Variants in KAZN observed in about 807,000 individuals in gnomAD.
The protein encoded by KAZN is kazrin, periplakin interacting protein.
A neutral mutation model predicts 87.4 loss-of-function variants in KAZN; 40 were observed. The observed-to-expected ratio is 0.46, with a 90% confidence interval of 0.36 to 0.60. The LOEUF (loss-of-function observed/expected upper bound fraction) is 0.60. Among genes scored for constraint, KAZN ranks in the 20% least tolerant of loss-of-function variants. KAZN has a pLI of 0.00. For synonymous variants in KAZN, 466 were observed against 458.3 expected (o/e 1.02, Z -0.22); for missense variants, 898 against 1,073.9 (o/e 0.84, Z 2.29).
chr1:14,188,396 A>C (rs1646356235), intron 2 of KAZN, among the ~76,000 whole-genome samples: 1 of 152,208 alleles, frequency 6.6e-6, no homozygotes. Flanking sequence ...TTTAGGGAAT[A>C]TAACAATTCC....
At chr1:14,469,743 G>C (rs867360213) in intron 2 of KAZN, among the ~76,000 whole-genome samples, 1 of 152,164 alleles carries the variant, frequency 6.6e-6, no homozygotes, top group East Asian at 1.9e-4. Context: ...AAGAGGCCAC[G>C]ATGTCAGATT....
chr1:14,018,596 G>A (rs557844232), intron 1 of KAZN, among the ~76,000 whole-genome samples: 2 of 152,298 alleles, frequency 1.3e-5, no homozygotes, highest in South Asian at 4.1e-4. Flanking sequence ...AGATTGGCAT[G>A]TGAGTTGGTG....
chr1:14,755,283 A>G (rs1429484147), intron 1 of KAZN, among the ~76,000 whole-genome samples: 4 of 151,970 alleles, frequency 2.6e-5, no homozygotes, highest in Non-Finnish European at 5.9e-5. Flanking sequence ...CAGGCCTTGC[A>G]AGGTACTATT....
chr1:15,020,822 C>T (rs768702958), intron 2 of KAZN, among the ~76,000 whole-genome samples: 8 of 152,274 alleles, frequency 5.3e-5, no homozygotes, highest in South Asian at 4.2e-4. Flanking sequence ...ATGGCAAAAA[C>T]GCTGGCATGA....
chr1:14,478,146 C>T (rs763926859), intron 2 of KAZN, among the ~76,000 whole-genome samples: 3 of 151,700 alleles, frequency 2.0e-5, no homozygotes, highest in Non-Finnish European at 4.4e-5. Flanking sequence ...CTAGAGAATT[C>T]AGGACAAGAA....
intron 1 of KAZN, among the ~76,000 whole-genome samples, chr1:14,107,295 TAGG>T (rs1644398728): frequency 2.0e-5 from 3 of 151,736 alleles, no homozygotes; most frequent in Non-Finnish European, 4.4e-5. Flanking sequence ...TGAGAGCAGT[TAGG>T]AGACAGCTCA....
chr1:15,090,140 A>G (rs1356757733), intron 8 of KAZN, among the ~76,000 whole-genome samples: 1 of 152,222 alleles, frequency 6.6e-6, no homozygotes, highest in East Asian at 1.9e-4. Context: ...CATTTTATAT[A>G]TGGAGAAACG....
At chr1:14,274,195 G>C (rs551187022) in intron 2 of KAZN, among the ~76,000 whole-genome samples, 1 of 152,326 alleles carries the variant, frequency 6.6e-6, no homozygotes, top group African/African-American at 2.4e-5. Flanking sequence ...AAAATGTGAT[G>C]AAATGGATGT....
At position 15,099,078 on chromosome 1, in the gene KAZN, G is replaced by A. The variant is rs540535444; in HGVS notation, c.1548-2465G>A. Among the ~76,000 whole-genome samples, 18 of 152,266 alleles carry A rather than the reference G, an allele frequency of 1.2e-4. No individual in the cohort carries two copies. The East Asian group carries it at 2.7e-3, about 23-fold the overall frequency. Reference sequence around the variant, plus strand: ...TTGGAAGGCTTCCGGGAGACCAGACGTCTCTGCAGAGTCCATAGGAGTTCA... The same window carrying A: ...TTGGAAGGCTTCCGGGAGACCAGACATCTCTGCAGAGTCCATAGGAGTTCA... On this transcript the variant is annotated intron_variant, in intron 10 of 14. Coordinates refer to ENST00000376030, the MANE Select transcript of KAZN (RefSeq NM_201628.3). This position sits in a 1 kb window ranked among gnomAD's most constrained non-coding sequence, Gnocchi z 5.4.
intron 1 of KAZN, among the ~76,000 whole-genome samples, chr1:14,766,651 G>A (rs1376250640): frequency 6.7e-6 from 1 of 148,318 alleles, no homozygotes; most frequent in Non-Finnish European, 1.5e-5. Context: ...AGACAAAGAT[G>A]CTGAGGGCCA....
chr1:14,232,169 A>G (rs1233182795), intron 2 of KAZN, among the ~76,000 whole-genome samples: 2 of 152,194 alleles, frequency 1.3e-5, no homozygotes, highest in Admixed American at 6.5e-5. Context: ...CAGCAGTATT[A>G]GATGATTGCT....
At chr1:14,188,633 A>C (rs1463074472) in intron 2 of KAZN, among the ~76,000 whole-genome samples, 1 of 152,172 alleles carries the variant, frequency 6.6e-6, no homozygotes, top group Non-Finnish European at 1.5e-5. Context: ...AAGAATATGC[A>C]GTAACTTACC....
At chr1:14,120,010 T>C (rs1443929125) in intron 1 of KAZN, among the ~76,000 whole-genome samples, 2 of 152,196 alleles carry the variant, frequency 1.3e-5, no homozygotes, top group East Asian at 3.9e-4. Flanking sequence ...CACACTCTGC[T>C]AGACTAGGAA....
intron 2 of KAZN, among the ~76,000 whole-genome samples, chr1:14,232,265 G>A (rs551799195): frequency 6.6e-6 from 1 of 152,338 alleles, no homozygotes; most frequent in South Asian, 2.1e-4. Context: ...GTGTGCGCAT[G>A]TATGTGCCTA....
rs960144533 is a variant in KAZN at position 15,104,154 on chromosome 1, G to C, written c.2013G>C (p.Leu671=). Residue 671 remains leucine, a synonymous_variant, in exon 13 of 15, where the codon CTG becomes CTC. Transcript: ENST00000376030. Reference sequence around the variant, plus strand: ...GGAAGCACATCCTCCGGAGACACCTGGCAGAGGAGATGAGCGCCGTCTTCC... The same window carrying C: ...GGAAGCACATCCTCCGGAGACACCTCGCAGAGGAGATGAGCGCCGTCTTCC... The part of the protein sequence containing the change: ...PSGKHILRRH[L]AEEMSAVFHP... The C allele has an allele frequency of 1.2e-6, 2 of 1,601,090 alleles. No individual in the cohort carries two copies. Among genetic ancestry groups the C allele is most frequent in the Non-Finnish European group, 1.7e-6 (2 of 1,174,168 alleles).
chr1:15,015,215 C>T (rs963015712), intron 2 of KAZN, among the ~76,000 whole-genome samples: 5 of 151,772 alleles, frequency 3.3e-5, no homozygotes, highest in Non-Finnish European at 5.9e-5. Flanking sequence ...TGCAGTGGCG[C>T]GATCTCGGCT....
intron 2 of KAZN, among the ~76,000 whole-genome samples, chr1:14,436,734 A>AAAAAAAAAAAAC (rs563539375): frequency 1.5e-5 from 2 of 137,364 alleles, no homozygotes; most frequent in African/African-American, 5.4e-5. Flanking sequence ...AAAAAAAAAA[A>AAAAAAAAAAAAC]AAAACCTTAA....
upstream of KAZN, among the ~76,000 whole-genome samples, chr1:14,595,915 G>A (rs1676482987): frequency 6.6e-6 from 1 of 152,024 alleles, no homozygotes; most frequent in Non-Finnish European, 1.5e-5. Context: ...AGGCACCCCA[G>A]GAGTTTCTAA....
At chr1:13,995,177 T>G (rs1368832042) in intron 1 of KAZN, among the ~76,000 whole-genome samples, 1 of 149,756 alleles carries the variant, frequency 6.7e-6, no homozygotes, top group Admixed American at 6.7e-5. Context: ...CAAGGATTTC[T>G]CTTATCATTA....
Sources: gnomAD v4.1 joint callset for allele counts (sites outside exome capture counted in the v4.1 genomes callset) on GRCh38, gnomAD v4.1.1 for gene constraint, Gnocchi (gnomAD v3.1) non-coding constraint, MANE v1.5 for transcripts, NCBI Gene and HGNC (gene_info 2026-07-23, HGNC 2026-07-21) for gene names.